The following NAV3 variants were observed in gnomAD, a reference collection of about 807,000 sequenced individuals.
The protein encoded by NAV3 is neuron navigator 3, also known as pore membrane and/or filament interacting like protein 1.
A neutral mutation model predicts 244.7 loss-of-function variants in NAV3; 87 were observed. That is an observed-to-expected ratio of 0.36 (90% CI 0.30 to 0.42). The LOEUF (loss-of-function observed/expected upper bound fraction) is 0.42. NAV3 is among the 20% of genes least tolerant of loss of function. The pLI, the probability that NAV3 is intolerant of heterozygous loss-of-function variation, is 1.00. For missense variants in NAV3, 2,663 were observed against 2,893.3 expected (o/e 0.92, Z 1.83); for synonymous variants, 1,126 against 1,042.2 (o/e 1.08, Z -1.55).
At chr12:78,024,994 A>AG (rs1566030213) in intron 9 of NAV3, among the ~76,000 whole-genome samples, 2 of 151,206 alleles carry the variant, frequency 1.3e-5, no homozygotes, top group African/African-American at 2.4e-5. Flanking sequence ...GGGGAAAAAA[A>AG]AAGCCACAAC....
rs1178976674 is a variant in NAV3 at position 77,771,419 on chromosome 12, TACCCAAAGGACTATAA to T, written c.73-168898_73-168883del. Among the ~76,000 whole-genome samples, 486 of 152,276 alleles carry T rather than the reference TACCCAAAGGACTATAA, an allele frequency of 3.2e-3. 3 individuals carry two copies. The highest frequency in any genetic ancestry group is 6.8e-3 in the Middle Eastern group (2 of 294). On this transcript the variant is annotated intron_variant, in intron 2 of 8. Transcript: ENST00000550042. ...CCCAGCCATCCCATTACTGGGTATA[TACCCAAAGGACTATAA>T]ATCATGCTGCTATAAAGACACATGC... is the stretch of plus-strand genomic sequence containing the variant.
At chr12:78,050,208 C>G (rs1882533039) in intron 10 of NAV3, 107 bp downstream of exon 10, 1 of 770,278 alleles carries the variant, frequency 1.3e-6, no homozygotes, top group African/African-American at 1.8e-5. Flanking sequence ...TTTCCCCTTA[C>G]TATTTTCTCC....
At chr12:78,041,757 T>C (rs1264395533) in intron 9 of NAV3, among the ~76,000 whole-genome samples, 3 of 152,150 alleles carry the variant, frequency 2.0e-5, no homozygotes, top group Non-Finnish European at 4.4e-5. Context: ...ATGATAGGTG[T>C]TAAAGGGGCA....
At chr12:77,654,379 C>T (rs979567800) in intron 2 of NAV3, among the ~76,000 whole-genome samples, 1 of 152,218 alleles carries the variant, frequency 6.6e-6, no homozygotes, top group African/African-American at 2.4e-5. Flanking sequence ...GATCAAACTG[C>T]AAGGCGGCAG....
chr12:77,849,435 C>T (rs1877152684), intron 1 of NAV3, among the ~76,000 whole-genome samples: 1 of 152,024 alleles, frequency 6.6e-6, no homozygotes, highest in Non-Finnish European at 1.5e-5. Flanking sequence ...CTGAAATTCT[C>T]CAAAATCTGA....
At chr12:78,039,113 G>A (rs765561480) in intron 9 of NAV3, among the ~76,000 whole-genome samples, 8 of 152,076 alleles carry the variant, frequency 5.3e-5, no homozygotes, top group Non-Finnish European at 7.4e-5. Context: ...GTAAGGGGAA[G>A]TTTATTCAAA....
intron 2 of NAV3, among the ~76,000 whole-genome samples, chr12:77,657,172 G>T (rs943155355): frequency 1.3e-5 from 2 of 149,920 alleles, no homozygotes; most frequent in African/African-American, 2.5e-5. Context: ...CCAGGAGCTG[G>T]TTTTTTGAAA....
chr12:78,065,688 A>G (rs1164553804), intron 12 of NAV3, among the ~76,000 whole-genome samples: 1 of 152,152 alleles, frequency 6.6e-6, no homozygotes, highest in Non-Finnish European at 1.5e-5. Flanking sequence ...CTGAAGGAGC[A>G]TGCTAGGTTA....
chr12:78,105,923 T>TA (rs1954779661), intron 12 of NAV3, among the ~76,000 whole-genome samples: 1 of 151,510 alleles, frequency 6.6e-6, no homozygotes, highest in Admixed American at 6.6e-5. Flanking sequence ...TTCTAACAAA[T>TA]ATTTACTTAA....
At chr12:78,155,814 A>G (rs1957281005) in intron 22 of NAV3, among the ~76,000 whole-genome samples, 1 of 151,616 alleles carries the variant, frequency 6.6e-6, no homozygotes. Context: ...TATCCTGTCT[A>G]TTCATGTCTT....
At chr12:77,827,674 C>A (rs1444464010), upstream of NAV3, among the ~76,000 whole-genome samples, 1 of 152,190 alleles carries the variant, frequency 6.6e-6, no homozygotes, top group Non-Finnish European at 1.5e-5. Flanking sequence ...ATTCTCATGA[C>A]TGTATTTCCT....
intron 5 of NAV3, among the ~76,000 whole-genome samples, chr12:77,989,337 C>G (rs776555122): frequency 1.2e-4 from 18 of 152,174 alleles, no homozygotes; most frequent in Non-Finnish European, 2.5e-4. Flanking sequence ...CTTACACATA[C>G]ATACGTGTGT....
At chr12:77,780,408 C>A (rs905079437) in intron 2 of NAV3, among the ~76,000 whole-genome samples, 2 of 152,134 alleles carry the variant, frequency 1.3e-5, no homozygotes, top group Admixed American at 1.3e-4. Flanking sequence ...TTTCAAAATA[C>A]TCAACAAGCG....
At chr12:77,734,252 A>G (rs1011562708) in intron 2 of NAV3, among the ~76,000 whole-genome samples, 1 of 151,510 alleles carries the variant, frequency 6.6e-6, no homozygotes, top group African/African-American at 2.4e-5. Flanking sequence ...TTTTCGATGA[A>G]CCAGTCATTT....
At chr12:77,673,597 A>G (rs1330374262) in intron 2 of NAV3, among the ~76,000 whole-genome samples, 1 of 152,120 alleles carries the variant, frequency 6.6e-6, no homozygotes, top group Non-Finnish European at 1.5e-5. Context: ...CTGATACACA[A>G]TGACATCAAG....
intron 1 of NAV3, among the ~76,000 whole-genome samples, chr12:77,874,806 T>C (rs1881608030): frequency 5.9e-5 from 9 of 152,158 alleles, no homozygotes; most frequent in Admixed American, 5.9e-4. Flanking sequence ...TATGTTATTA[T>C]AATGAATCAA....
chr12:77,716,861 C>T (rs2137275650), intron 2 of NAV3, among the ~76,000 whole-genome samples: 1 of 152,108 alleles, frequency 6.6e-6, no homozygotes, highest in African/African-American at 2.4e-5. Context: ...ATGTGATATG[C>T]ATGAAGCAAA....
At position 78,177,613 on chromosome 12, in the gene NAV3, C is replaced by T; in HGVS notation, c.5298-7C>T. ...CCATGTATCTGTCTAACTGTATGTA[C>T]ATACAGGTCACCCCTTGTCTGGCCA... On this transcript the variant is annotated splice_region_variant and splice_polypyrimidine_tract_variant and intron_variant, in intron 27 of 39. Coordinates refer to ENST00000397909, the MANE Select transcript of NAV3 (RefSeq NM_001024383.2). 1 of 1,596,704 alleles carries T rather than the reference C, an allele frequency of 6.3e-7. No homozygotes were observed. Among genetic ancestry groups the T allele is most frequent in the African/African-American group, 1.3e-5 (1 of 74,928 alleles).
rs529960333 is a variant in NAV3 at position 78,016,604 on chromosome 12, G to A, written c.1908-5143G>A. Among the ~76,000 whole-genome samples, 4 of 152,276 alleles carry A rather than the reference G, an allele frequency of 2.6e-5. No homozygotes were observed. In the South Asian group the frequency reaches 8.3e-4, roughly 32 times the overall value. On this transcript the variant is annotated intron_variant, in intron 8 of 39. Coordinates refer to ENST00000397909, the MANE Select transcript of NAV3 (RefSeq NM_001024383.2). ...AGAAAATAGGAAAGCAAGCACATTAGTGGTTTTTGAAAGATATGTGCTTTT... is the reference window on the plus strand; with the variant it reads ...AGAAAATAGGAAAGCAAGCACATTAATGGTTTTTGAAAGATATGTGCTTTT...
Sources: gnomAD v4.1 joint callset for allele counts (sites outside exome capture counted in the v4.1 genomes callset) on GRCh38, gnomAD v4.1.1 for gene constraint, MANE v1.5 for transcripts, NCBI Gene and HGNC (gene_info 2026-07-23, HGNC 2026-07-21) for gene names.